HAO1: variants seen among roughly 807,000 people sequenced by gnomAD.
HAO1 encodes the protein 2-Hydroxyacid oxidase 1.
Under a neutral mutation model 39.7 loss-of-function variants are expected in HAO1, and 34 were observed. The ratio of observed to expected loss-of-function variants is 0.86; its 90% CI spans 0.65 to 1.14. The LOEUF is 1.14. Ranked by LOEUF, HAO1 falls within the 50% of genes most tolerant of loss-of-function variation. The pLI is 0.00. For missense variants in HAO1, 479 were observed against 464.5 expected, an observed-to-expected ratio of 1.03 and a Z score of -0.29; for synonymous variants, 172 against 173.2, an observed-to-expected ratio of 0.99 and a Z score of 0.05.
intron 2 of HAO1, among the ~76,000 whole-genome samples, chr20:7,923,965 G>C (rs2050347035): frequency 6.6e-6 from 1 of 152,170 alleles, no homozygotes; most frequent in Admixed American, 6.6e-5. Context: ...CAGTGAAGTT[G>C]GTAGTGGTTG....
intron 2 of HAO1, among the ~76,000 whole-genome samples, chr20:7,921,622 A>G (rs1309567098): frequency 3.3e-5 from 5 of 152,146 alleles, no homozygotes; most frequent in African/African-American, 7.2e-5. Context: ...CCAAAGGACA[A>G]TAAGTCATTC....
Position 7,887,454 on chromosome 20 carries a change from G to T in HAO1, c.814-1590C>A, listed in dbSNP as rs2050155789. ...TGGAAGGAAGTGAAGGTAACACTTG[G>T]CATGTGGTCCCTAAATGTTTGGCAG... is the stretch of plus-strand genomic sequence containing the variant. On this transcript the variant is annotated intron_variant, in intron 5 of 7. Transcript: ENST00000378789. Among the ~76,000 whole-genome samples, 3 of 152,240 alleles carry T rather than the reference G, an allele frequency of 2.0e-5. No individual in the cohort carries two copies. In the South Asian group the frequency reaches 6.2e-4, roughly 32 times the overall value.
chr20:7,931,158 A>G (rs866005853), intron 2 of HAO1, among the ~76,000 whole-genome samples: 3 of 152,282 alleles, frequency 2.0e-5, no homozygotes, highest in African/African-American at 4.8e-5. Flanking sequence ...GGAGGACCCT[A>G]TGTTTTTGAG....
chr20:7,885,338 TTAAG>T, intron 7 of HAO1, 179 bp downstream of exon 7: 1 of 598,814 alleles, frequency 1.7e-6, no homozygotes. Flanking sequence ...AAAACAGAGG[TTAAG>T]TAATTACTAG....
At chr20:7,907,604 A>G (rs2050254455) in intron 3 of HAO1, among the ~76,000 whole-genome samples, 1 of 152,160 alleles carries the variant, frequency 6.6e-6, no homozygotes. Flanking sequence ...CCAACCTGAG[A>G]CAAAGTACCA....
intron 4 of HAO1, among the ~76,000 whole-genome samples, chr20:7,896,655 G>A (rs2050199298): frequency 6.6e-6 from 1 of 152,090 alleles, no homozygotes; most frequent in African/African-American, 2.4e-5. Flanking sequence ...GATCCCCAAT[G>A]TGATGGCATT....
intron 2 of HAO1, among the ~76,000 whole-genome samples, chr20:7,927,155 C>T (rs578003527): frequency 6.6e-6 from 1 of 152,148 alleles, no homozygotes; most frequent in African/African-American, 2.4e-5. Flanking sequence ...GTTTCCATGG[C>T]AATGTTCTTA....
chr20:7,885,917 C>A, intron 5 of HAO1, 53 bp from the exon 6 acceptor site: 1 of 1,476,376 alleles, frequency 6.8e-7, no homozygotes, highest in South Asian at 1.2e-5. Context: ...AATTGTTATT[C>A]AACTCCACCT....
intron 7 of HAO1, 27 bp from the exon 8 acceptor site, chr20:7,883,690 A>G (rs74359098): frequency 2.1e-6 from 3 of 1,408,986 alleles, no homozygotes; most frequent in Admixed American, 1.7e-5. Flanking sequence ...TACATTTAAT[A>G]TGAACTGAAT....
Position 7,906,250 on chromosome 20 carries a change from C to T in HAO1, c.625G>A (p.Val209Met). The T allele has an allele frequency of 6.2e-7, 1 of 1,611,650 alleles. No individual in the cohort carries two copies. The highest frequency in any genetic ancestry group is 8.5e-7 in the Non-Finnish European group (1 of 1,177,830). ...FGDDSGLAAY[V>M]AKAIDPSISW... ...ATAGATGGGTCTATTGCTTTAGCCA[C>T]ATATGCAGCAAGTCCACTGTCGTCT... The change falls in exon 4 of 8, where the codon GTG becomes ATG. Residue 209 changes from valine (V) to methionine (M), a missense_variant. Physicochemically the swap from Val to Met is conservative, Grantham distance 21. Transcript: ENST00000378789.
intron 2 of HAO1, among the ~76,000 whole-genome samples, chr20:7,933,122 C>T (rs1038334663): frequency 2.0e-5 from 3 of 152,070 alleles, no homozygotes; most frequent in African/African-American, 7.2e-5. Context: ...TTTTATGTCT[C>T]CATTTGTAAA....
intron 2 of HAO1, among the ~76,000 whole-genome samples, chr20:7,915,287 A>T (rs1176735780): frequency 1.3e-5 from 2 of 151,900 alleles, no homozygotes; most frequent in Non-Finnish European, 2.9e-5. Context: ...ATCCCTCATA[A>T]TGTGAGTGGG....
intron 3 of HAO1, among the ~76,000 whole-genome samples, chr20:7,906,699 A>C (rs960397675): frequency 2.0e-5 from 3 of 152,214 alleles, no homozygotes; most frequent in African/African-American, 7.2e-5. Context: ...ACAATTTAAA[A>C]AGCATTTTTA....
In HAO1 at chr20:7,899,132, T is replaced by C. The variant is rs146548405; in HGVS notation, c.722-3908A>G. On this transcript the variant is annotated intron_variant, in intron 4 of 7. Coordinates refer to ENST00000378789, the MANE Select transcript of HAO1 (RefSeq NM_017545.3). ...TGTACAGGAGGAAGAAGTGATTCAC[T>C]GCTTAAGGTAAGTCATCAGTCCACC... Among the ~76,000 whole-genome samples, 220 of 152,152 alleles carry C rather than the reference T, an allele frequency of 1.4e-3. 1 individual carries two copies. The highest frequency in any genetic ancestry group is 2.3e-3 in the Non-Finnish European group (157 of 68,002).
chr20:7,917,478 T>G (rs1290579553), intron 2 of HAO1, among the ~76,000 whole-genome samples: 1 of 152,054 alleles, frequency 6.6e-6, no homozygotes. Flanking sequence ...CATGTCTAAA[T>G]GACTCCCTGG....
At chr20:7,917,537 T>A (rs2050312705) in intron 2 of HAO1, among the ~76,000 whole-genome samples, 1 of 151,978 alleles carries the variant, frequency 6.6e-6, no homozygotes, top group Non-Finnish European at 1.5e-5. Context: ...GGCAGTGACA[T>A]CCAAGAGAGT....
intron 2 of HAO1, among the ~76,000 whole-genome samples, chr20:7,919,191 A>C (rs1469015213): frequency 6.6e-6 from 1 of 152,194 alleles, no homozygotes; most frequent in Non-Finnish European, 1.5e-5. Flanking sequence ...TATATCCTAA[A>C]GATGAAATAC....
intron 5 of HAO1, among the ~76,000 whole-genome samples, chr20:7,894,028 C>A (rs1389122532): frequency 1.3e-5 from 2 of 152,182 alleles, no homozygotes; most frequent in Non-Finnish European, 2.9e-5. Context: ...GGGGCCAGAG[C>A]AGAAGCAAAA....
Position 7,939,595 on chromosome 20 carries a change from A to T in HAO1, c.137+691T>A, listed in dbSNP as rs529199217. On this transcript the variant is annotated intron_variant, in intron 1 of 7. Transcript: ENST00000378789. ...ACTCCTCTCTTGCTCCAGCAAATAAACCATTTTTGTAACTGCTATAAAAAA... is the reference window on the plus strand; with the variant it reads ...ACTCCTCTCTTGCTCCAGCAAATAATCCATTTTTGTAACTGCTATAAAAAA... 2.0e-5 allele frequency among the ~76,000 whole-genome samples: 3 copies of T among 152,130 alleles called. No homozygotes were observed. In the East Asian group the frequency reaches 5.8e-4, roughly 29 times the overall value.
Sources: allele counts gnomAD v4.1 joint callset (sites outside exome capture counted in the v4.1 genomes callset), GRCh38; gene constraint gnomAD v4.1.1; transcripts MANE v1.5; gene names NCBI Gene and HGNC (gene_info 2026-07-23, HGNC 2026-07-21).